ARID1B: variants seen among roughly 807,000 people sequenced by gnomAD.
ARID1B encodes the protein AT-rich interactive domain-containing protein 1B.
ARID1B carries 30 observed loss-of-function variants against 212.3 expected under a neutral mutation model. The ratio of observed to expected loss-of-function variants is 0.14; its 90% CI spans 0.11 to 0.19. The LOEUF is 0.19. Among genes scored for constraint, ARID1B ranks in the 10% least tolerant of loss-of-function variants. ARID1B has a pLI of 1.00. For synonymous variants in ARID1B, 1,402 were observed against 1,301.7 expected (o/e 1.08, Z -1.66); for missense variants, 2,891 against 3,204.0 (o/e 0.90, Z 2.36).
At chr6:156,853,921 T>TG (rs1407596222) in intron 2 of ARID1B, among the ~76,000 whole-genome samples, 1 of 152,060 alleles carries the variant, frequency 6.6e-6, no homozygotes, top group East Asian at 1.9e-4. Context: ...TTTGTGGAGA[T>TG]GGGGTCTCAC....
intron 4 of ARID1B, among the ~76,000 whole-genome samples, chr6:156,984,202 A>G (rs1260095843): frequency 2.0e-5 from 3 of 152,102 alleles, no homozygotes; most frequent in Non-Finnish European, 4.4e-5. Context: ...CAGCACAGCA[A>G]GGCATGCTCC....
At chr6:156,887,526 A>C (rs917600949) in intron 2 of ARID1B, among the ~76,000 whole-genome samples, 77 of 152,314 alleles carry the variant, frequency 5.1e-4, no homozygotes, top group African/African-American at 1.7e-3. Flanking sequence ...GTATCTTTTT[A>C]AAGGATGATG....
chr6:156,989,696 C>T (rs1405288540), intron 4 of ARID1B, among the ~76,000 whole-genome samples: 1 of 152,170 alleles, frequency 6.6e-6, no homozygotes, highest in African/African-American at 2.4e-5. Context: ...CAGTGAGATT[C>T]CCCTTGACTT....
Position 157,206,518 on chromosome 6 carries a change from A to G in ARID1B, c.5746A>G (p.Lys1916Glu), listed in dbSNP as rs1554237263. 2 of 1,614,086 alleles carry G rather than the reference A, an allele frequency of 1.2e-6. No individual in the cohort carries two copies. The highest frequency in any genetic ancestry group is 1.7e-5 in the Admixed American group (1 of 59,998). The change falls in exon 20 of 20, where the codon AAA (lysine) becomes GAA (glutamate). Residue 1916 changes from lysine (K) to glutamate (E), a missense_variant. Around this residue, in one of 7 missense-constraint regions of ARID1B, gnomAD observed 332 missense variants for 369.2 expected, o/e 0.90. Coordinates refer to ENST00000636930, the MANE Select transcript of ARID1B (RefSeq NM_001374828.1). This position sits in a 1 kb window ranked among gnomAD's most constrained non-coding sequence, Gnocchi z 6.8. ...CGACAAGCTGCCAATAAAGATAGTC[A>G]AAAAGAACAACCTGTTTGTTGTTGA... ...KFDKLPIKIV[K>E]KNNLFVVDRS...
At chr6:156,863,197 C>T (rs1285800774) in intron 2 of ARID1B, among the ~76,000 whole-genome samples, 3 of 152,220 alleles carry the variant, frequency 2.0e-5, no homozygotes, top group East Asian at 3.9e-4. Context: ...ACCACCTGTT[C>T]TGAGTCTAGG....
intron 6 of ARID1B, among the ~76,000 whole-genome samples, chr6:157,111,875 G>A (rs1786949284): frequency 6.6e-6 from 1 of 152,142 alleles, no homozygotes; most frequent in African/African-American, 2.4e-5. Context: ...TCACCTGGAG[G>A]ACTTGTTAAA....
At chr6:156,900,365 T>C (rs1228053372) in intron 2 of ARID1B, among the ~76,000 whole-genome samples, 1 of 152,232 alleles carries the variant, frequency 6.6e-6, no homozygotes, top group Non-Finnish European at 1.5e-5. Flanking sequence ...TCTTTTCATC[T>C]TTTACCATTT....
At chr6:157,021,741 G>A (rs879317715) in intron 4 of ARID1B, among the ~76,000 whole-genome samples, 1 of 151,890 alleles carries the variant, frequency 6.6e-6, no homozygotes, top group Non-Finnish European at 1.5e-5. Flanking sequence ...GCGCCCGCAG[G>A]CTCCTCCTGG....
At chr6:157,085,218 C>G (rs1189109965) in intron 5 of ARID1B, among the ~76,000 whole-genome samples, 1 of 152,168 alleles carries the variant, frequency 6.6e-6, no homozygotes, top group Non-Finnish European at 1.5e-5. Context: ...TACATCAGAG[C>G]TTCTGTTGAT....
At chr6:157,118,861 T>G (rs539384325) in intron 6 of ARID1B, among the ~76,000 whole-genome samples, 1 of 152,342 alleles carries the variant, frequency 6.6e-6, no homozygotes, top group Non-Finnish European at 1.5e-5. Context: ...AGAAGCATAT[T>G]TTGTTACTTT....
chr6:157,163,587 A>C (rs779339809), intron 8 of ARID1B, among the ~76,000 whole-genome samples: 2 of 151,838 alleles, frequency 1.3e-5, no homozygotes, highest in Non-Finnish European at 2.9e-5. Context: ...TGCCCTGGCC[A>C]CGTGTGGCCT....
At chr6:156,815,080 TTG>T (rs1562406187) in intron 1 of ARID1B, among the ~76,000 whole-genome samples, 1 of 152,206 alleles carries the variant, frequency 6.6e-6, no homozygotes, top group African/African-American at 2.4e-5. Context: ...TGGATATACT[TTG>T]TGTCTCCATT....
chr6:156,779,076 G>A lies in ARID1B; in HGVS notation c.1396G>A (p.Gly466Arg). Reference protein sequence around the residue: ...QQGGGMMMGPGGGGAASLSKA... With the variant: ...QQGGGMMMGPRGGGAASLSKA... ...GGGCGGCGGCATGATGATGGGCCCC[G>A]GGGGCGGCGGGGCCGCGAGCCTCAG... The change falls in exon 1 of 20, where the codon GGG becomes AGG. Residue 466 changes from glycine to arginine, a missense_variant. This residue lies in a region of ARID1B where 1,643 missense variants were observed against 1,544.0 expected (regional missense o/e 1.06). Coordinates refer to ENST00000636930, the MANE Select transcript of ARID1B (RefSeq NM_001374828.1). 3 of 1,223,772 alleles carry A rather than the reference G, an allele frequency of 2.5e-6. No homozygotes were observed. The highest frequency in any genetic ancestry group is 2.0e-6 in the Non-Finnish European group (2 of 984,438). 75.8% of individuals were successfully genotyped at this position (1,223,772 alleles called of 1,614,324 possible).
intron 1 of ARID1B, among the ~76,000 whole-genome samples, chr6:156,814,957 CTA>C (rs1781860324): frequency 6.6e-6 from 1 of 152,006 alleles, no homozygotes; most frequent in Admixed American, 6.5e-5. Context: ...TATCAATAGA[CTA>C]TTAAATATTA....
chr6:157,190,095 G>C lies in ARID1B; in HGVS notation c.4116G>C (p.Pro1372=), dbSNP rs766441730. The change falls in exon 15 of 20, where the codon CCG becomes CCC. Residue 1372 remains proline (P), a synonymous_variant. Coordinates refer to ENST00000636930, the MANE Select transcript of ARID1B (RefSeq NM_001374828.1). The surrounding 1 kb of genome is among the most constrained non-coding windows in gnomAD (Gnocchi z 4.6). ...CAGATGTGAGTGATTCATCCTTCCC[G>C]AAACGGAACTCCATGACTCCAAACG... is the stretch of plus-strand genomic sequence containing the variant. The part of the protein sequence containing the change: ...PFSDVSDSSF[P]KRNSMTPNAP... 2 of 1,614,168 alleles carry C rather than the reference G, an allele frequency of 1.2e-6. No individual in the cohort carries two copies. Among genetic ancestry groups the C allele is most frequent in the East Asian group, 2.2e-5 (1 of 44,874 alleles).
At chr6:156,789,337 T>C (rs1036410131) in intron 1 of ARID1B, among the ~76,000 whole-genome samples, 2 of 152,218 alleles carry the variant, frequency 1.3e-5, no homozygotes, top group Admixed American at 1.3e-4. Context: ...TACTTCACTG[T>C]ATTGAACTGT....
chr6:156,821,348 T>TC (rs957361403), intron 1 of ARID1B, among the ~76,000 whole-genome samples: 2 of 151,930 alleles, frequency 1.3e-5, no homozygotes, highest in African/African-American at 4.8e-5. Context: ...GCTCCCCCAC[T>TC]CCCCCCACAA....
At chr6:157,126,437 T>G (rs956330347) in intron 6 of ARID1B, among the ~76,000 whole-genome samples, 2 of 151,920 alleles carry the variant, frequency 1.3e-5, no homozygotes. Flanking sequence ...TTTGCTTGAT[T>G]TTTTTTTCCC....
intron 2 of ARID1B, among the ~76,000 whole-genome samples, chr6:156,838,730 A>AATAATAATAATG (rs1356838476): frequency 6.0e-5 from 9 of 150,088 alleles, no homozygotes; most frequent in Admixed American, 6.0e-4. Flanking sequence ...TAATAATAAT[A>AATAATAATAATG]ATAAACAAAA....
Sources: gnomAD v4.1 joint callset for allele counts (sites outside exome capture counted in the v4.1 genomes callset) on GRCh38, gnomAD v4.1.1 for gene constraint, gnomAD v4.1.1 regional missense constraint, Gnocchi (gnomAD v3.1) non-coding constraint, MANE v1.5 for transcripts, NCBI Gene and HGNC (gene_info 2026-07-23, HGNC 2026-07-21) for gene names.